The following LHX4 variants were observed in gnomAD, a reference collection of about 807,000 sequenced individuals.
LHX4 encodes LIM homeobox 4.
In LHX4, 16 loss-of-function variants were observed where a neutral mutation model predicts 39.2. That is an observed-to-expected ratio of 0.41 (90% confidence interval 0.28 to 0.62). LHX4 has a LOEUF of 0.62. Among genes scored for constraint, LHX4 ranks in the 20% least tolerant of loss-of-function variants. The probability of loss-of-function intolerance (pLI) is 0.33; values close to 1 mark genes in which losing one functional copy is unlikely to be tolerated. For synonymous variants in LHX4, 206 were observed against 198.1 expected, an observed-to-expected ratio of 1.04 and a Z score of -0.33; for missense variants, 439 against 511.9, an observed-to-expected ratio of 0.86 and a Z score of 1.37.
rs1303823981 is a variant in LHX4, at chr1:180,235,000, G to GC, written c.76+4396dup. Among the ~76,000 whole-genome samples, 1 of 152,246 alleles carries GC rather than the reference G, an allele frequency of 6.6e-6. No homozygotes were observed. Among genetic ancestry groups the GC allele is most frequent in the Non-Finnish European group, 1.5e-5 (1 of 68,034 alleles). On this transcript the variant is annotated intron_variant, in intron 1 of 5. Transcript: ENST00000263726. This position sits in a 1 kb window ranked among gnomAD's most constrained non-coding sequence, Gnocchi z 4.8. ...ACCCATGGGCGGCTCACGATCCTGG[G>GC]CACTCGCCCGGGAATCCCGGGCGTG...
chr1:180,248,099 A>G (rs1427915101), intron 1 of LHX4, among the ~76,000 whole-genome samples, 186 bp from the exon 2 acceptor site: 4 of 152,194 alleles, frequency 2.6e-5, no homozygotes, highest in African/African-American at 7.2e-5. Context: ...TTCAGTCCCC[A>G]CTTGTTCCTT....
At chr1:180,263,889 G>A (rs777913645) in intron 2 of LHX4, among the ~76,000 whole-genome samples, 14 of 152,064 alleles carry the variant, frequency 9.2e-5, no homozygotes, top group Non-Finnish European at 1.8e-4. Context: ...TTGGATCTCT[G>A]GTTAGGACAC....
chr1:180,274,059 C>A, intron 5 of LHX4, 126 bp from the exon 6 acceptor site: 4 of 1,215,462 alleles, frequency 3.3e-6, no homozygotes, highest in Non-Finnish European at 4.8e-6. Context: ...CTGACCCATG[C>A]TTGGCTGCAA....
At chr1:180,254,247 CT>C (rs113639152) in intron 2 of LHX4, among the ~76,000 whole-genome samples, 16 of 152,332 alleles carry the variant, frequency 1.1e-4, no homozygotes, top group African/African-American at 3.6e-4. Context: ...CTCCCTGCCC[CT>C]GAGGCCCTCA....
At position 180,234,573 on chromosome 1, in the gene LHX4, C is replaced by T. The variant is rs907300993; in HGVS notation, c.76+3968C>T. Among the ~76,000 whole-genome samples, 1 of 152,198 alleles carries T rather than the reference C, an allele frequency of 6.6e-6. No individual in the cohort carries two copies. Among genetic ancestry groups the T allele is most frequent in the East Asian group, 1.9e-4 (1 of 5,170 alleles). On this transcript the variant is annotated intron_variant, in intron 1 of 5. Coordinates refer to ENST00000263726, the MANE Select transcript of LHX4 (RefSeq NM_033343.4). The surrounding 1 kb of genome is among the most constrained non-coding windows in gnomAD (Gnocchi z 4.8). ...TCCAGGGCCTTGTTATCTGAGAGGG[C>T]CGTTAGCACGGAGGGAAGCTTGGAA...
upstream of LHX4, chr1:180,230,227 G>T (rs955136681): frequency 3.8e-5 from 18 of 472,976 alleles, no homozygotes; most frequent in Non-Finnish European, 6.9e-5. This position sits in a 1 kb window ranked among gnomAD's most constrained non-coding sequence, Gnocchi z 5.8. Flanking sequence ...AGGGGGAGGG[G>T]GAAGGAGCGG....
chr1:180,246,007 GA>G (rs113141170), intron 1 of LHX4, among the ~76,000 whole-genome samples: 2,900 of 143,300 alleles, frequency 0.02, 90 homozygotes, highest in African/African-American at 0.065. Flanking sequence ...TGTGGAGATA[GA>G]AAAAAAAAAA....
Position 180,274,213 on chromosome 1 carries a change from C to A in LHX4, c.807C>A (p.His269Gln), listed in dbSNP as rs1648879590. Residue 269 changes from histidine (H) to glutamine (Q), a missense_variant, in exon 6 of 6, where the codon CAC (histidine) becomes CAA (glutamine). Transcript: ENST00000263726. ...REDQILSELG[H>Q]TNRIYGNVGD... ...ATCAAATTCTCTCAGAACTTGGCCA[C>A]ACCAATAGGATTTATGGCAACGTGG... 7.4e-6 allele frequency: 12 copies of A among 1,614,228 alleles called. No individual in the cohort carries two copies. The highest frequency in any genetic ancestry group is 9.3e-6 in the Non-Finnish European group (11 of 1,180,048).
chr1:180,258,116 A>T (rs1274106540), intron 2 of LHX4, among the ~76,000 whole-genome samples: 3 of 152,270 alleles, frequency 2.0e-5, no homozygotes, highest in African/African-American at 7.2e-5. Context: ...CTGCTGTTGC[A>T]GAACTTGCCT....
Position 180,275,556 on chromosome 1 carries a change from A to G in LHX4, c.*977A>G, listed in dbSNP as rs1459067896. The G allele has an allele frequency of 6.6e-6, 1 of 152,114 alleles. No individual in the cohort carries two copies. Among genetic ancestry groups the G allele is most frequent in the African/African-American group, 2.4e-5 (1 of 41,400 alleles). The allele number at this position is 152,114 out of a possible 1,614,324, so 9.4% of individuals were successfully genotyped here. On this transcript the variant is annotated 3_prime_UTR_variant, in exon 6 of 6. Coordinates refer to ENST00000263726, the MANE Select transcript of LHX4 (RefSeq NM_033343.4). ...ATCCCTTGTAGGGTGAAATATTTGG[A>G]GTCTGTTTTGAAGGAGTTGGTTTAG... is the stretch of plus-strand genomic sequence containing the variant.
At position 180,230,770 on chromosome 1, in the gene LHX4, C is replaced by T. The variant is rs1288616661; in HGVS notation, c.76+165C>T. Among the ~76,000 whole-genome samples the T allele has an allele frequency of 6.6e-6, 1 of 152,144 alleles. No individual in the cohort carries two copies. The highest frequency in any genetic ancestry group is 1.5e-5 in the Non-Finnish European group (1 of 68,010). ...ACCAGCCAGAGTGCGTTTGAGGGGG[C>T]CAGGCTCTTGGCTGTTTGGGGCCGA... is the stretch of plus-strand genomic sequence containing the variant. On this transcript the variant is annotated intron_variant, in intron 1 of 5. Coordinates refer to ENST00000263726, the MANE Select transcript of LHX4 (RefSeq NM_033343.4). The surrounding 1 kb of genome is among the most constrained non-coding windows in gnomAD (Gnocchi z 5.8).
intron 2 of LHX4, among the ~76,000 whole-genome samples, chr1:180,249,461 G>C (rs541078309): frequency 3.4e-4 from 52 of 152,362 alleles, no homozygotes; most frequent in African/African-American, 1.2e-3. Flanking sequence ...GTGGGGGTTA[G>C]GGATCAGTGA....
rs1181310043 is a variant in LHX4 at position 180,271,701 on chromosome 1, G to A, written c.607-134G>A. 6.3e-6 allele frequency: 8 copies of A among 1,272,410 alleles called. No homozygotes were observed. In the Admixed American group the frequency reaches 1.2e-4, roughly 19 times the overall value. The allele number at this position is 1,272,410 out of a possible 1,614,324, so 78.8% of individuals were successfully genotyped here. A position where few individuals can be genotyped will look rare whatever the true frequency, so the allele number is the denominator to read the frequency against. ...TGAGGCCCACCTGGGGAGAGGGGGT[G>A]GGGCGCATCGCACTCCCAGACCTGT... On this transcript the variant is annotated intron_variant, in intron 4 of 5. Coordinates refer to ENST00000263726, the MANE Select transcript of LHX4 (RefSeq NM_033343.4).
chr1:180,259,933 G>A (rs1171929200), intron 2 of LHX4, among the ~76,000 whole-genome samples: 1 of 151,618 alleles, frequency 6.6e-6, no homozygotes, highest in African/African-American at 2.4e-5. Context: ...TAACAACAAG[G>A]TCTGGGGGAG....
chr1:180,249,878 CGT>C (rs1169891691), intron 2 of LHX4, among the ~76,000 whole-genome samples: 9 of 143,040 alleles, frequency 6.3e-5, no homozygotes, highest in African/African-American at 1.6e-4. Flanking sequence ...CGTGTGTGTG[CGT>C]GTGTGAGTGT....
At chr1:180,241,356 T>TAGG (rs1208363951) in intron 1 of LHX4, among the ~76,000 whole-genome samples, 6 of 152,156 alleles carry the variant, frequency 3.9e-5, no homozygotes, top group African/African-American at 1.4e-4. Flanking sequence ...TCTGAGTGTT[T>TAGG]AGGAGGGGGT....
Position 180,230,353 on chromosome 1 carries a change from G to C in LHX4, c.-177G>C, listed in dbSNP as rs1302335929. 3.1e-6 allele frequency: 2 copies of C among 649,444 alleles called. No individual in the cohort carries two copies. The highest frequency in any genetic ancestry group is 2.2e-5 in the Admixed American group (1 of 45,440). 40.2% of individuals were successfully genotyped at this position (649,444 alleles called of 1,614,324 possible). On this transcript the variant is annotated 5_prime_UTR_variant, in exon 1 of 6. Transcript: ENST00000263726. This position sits in a 1 kb window ranked among gnomAD's most constrained non-coding sequence, Gnocchi z 5.8. ...ACTGGAAACAGACTGGGGACTGGCG[G>C]GGGGAGGGGGCCGGCCAGCCTGTGG...
intron 2 of LHX4, among the ~76,000 whole-genome samples, chr1:180,256,724 G>A (rs1647873045): frequency 6.6e-6 from 1 of 152,156 alleles, no homozygotes; most frequent in Non-Finnish European, 1.5e-5. Context: ...TGGGAGTCAG[G>A]GGTGGCTTTT....
rs909263120 is a variant in LHX4, at chr1:180,278,822, A to G, written c.*4243A>G. 4 of 149,662 alleles carry G rather than the reference A, an allele frequency of 2.7e-5. No homozygotes were observed. Among genetic ancestry groups the G allele is most frequent in the Non-Finnish European group, 5.9e-5 (4 of 67,920 alleles). 9.3% of individuals were successfully genotyped at this position (149,662 alleles called of 1,614,324 possible). On this transcript the variant is annotated 3_prime_UTR_variant, in exon 6 of 6. Transcript: ENST00000263726. ...AGAAATGAAGTCTCGTTTCCTGGGG[A>G]AAAAAAAGAAAAAAAGAAAAAAAAA...
Sources: allele counts gnomAD v4.1 joint callset (sites outside exome capture counted in the v4.1 genomes callset), GRCh38; gene constraint gnomAD v4.1.1; non-coding constraint Gnocchi (gnomAD v3.1); transcripts MANE v1.5; gene names NCBI Gene and HGNC (gene_info 2026-07-23, HGNC 2026-07-21).